ANKRD31: variants seen among roughly 807,000 people sequenced by gnomAD.
ANKRD31 encodes ankyrin repeat domain 31.
Under a neutral mutation model 186.0 loss-of-function variants are expected in ANKRD31, and 147 were observed. The observed-to-expected ratio is 0.79, with a 90% CI of 0.69 to 0.91. The LOEUF (loss-of-function observed/expected upper bound fraction) is 0.91, where lower values mean the gene tolerates loss of function less well. ANKRD31 is among the 40% of genes least tolerant of loss of function. The pLI, the probability that ANKRD31 is intolerant of heterozygous loss-of-function variation, is 0.00. For synonymous variants in ANKRD31, 673 were observed against 736.4 expected, an observed-to-expected ratio of 0.91 and a Z score of 1.39; for missense variants, 1,986 against 2,148.8, an observed-to-expected ratio of 0.92 and a Z score of 1.50.
At position 75,144,090 on chromosome 5, in the gene ANKRD31, T is replaced by C. The variant is rs1230170753; in HGVS notation, c.3506A>G (p.Glu1169Gly). The part of the protein sequence containing the change: ...CEEIKEKTES[E>G]IHMPTNSQEH... Reference sequence around the variant, plus strand: ...TTGGCTATTAGTAGGCATGTGAATTTCTGACTCCGTTTTTTCTTTTATCTC... The same window carrying C: ...TTGGCTATTAGTAGGCATGTGAATTCCTGACTCCGTTTTTTCTTTTATCTC... Residue 1169 changes from glutamate (E) to glycine (G), a missense_variant, in exon 15 of 26, where the codon GAA (glutamate) becomes GGA (glycine). Transcript: ENST00000506364. The C allele has an allele frequency of 1.8e-5, 7 of 397,492 alleles. No homozygotes were observed. Among genetic ancestry groups the C allele is most frequent in the Non-Finnish European group, 3.1e-5 (7 of 225,434 alleles). The allele number at this position is 397,492 out of a possible 1,614,324, so 24.6% of individuals were successfully genotyped here. A position where few individuals can be genotyped will look rare whatever the true frequency, so the allele number is the denominator to read the frequency against.
At chr5:75,203,087 T>C (rs529651764) in intron 5 of ANKRD31, among the ~76,000 whole-genome samples, 5 of 152,140 alleles carry the variant, frequency 3.3e-5, no homozygotes, top group African/African-American at 4.8e-5. Context: ...GCTGGGACTA[T>C]AGGCATGCAC....
chr5:75,112,526 G>T lies in ANKRD31; in HGVS notation c.4230C>A (p.Asn1410Lys), dbSNP rs567002583. 4.6e-6 allele frequency: 7 copies of T among 1,508,734 alleles called. No individual in the cohort carries two copies. The African/African-American group carries it at 8.3e-5, about 18-fold the overall frequency. The allele number at this position is 1,508,734 out of a possible 1,614,324, so 93.5% of individuals were successfully genotyped here. A position where few individuals can be genotyped will look rare whatever the true frequency, so the allele number is the denominator to read the frequency against. Residue 1410 changes from asparagine to lysine, a missense_variant, in exon 20 of 26, where the codon AAC becomes AAA. Coordinates refer to ENST00000506364, the MANE Select transcript of ANKRD31 (RefSeq NM_001372053.1). ...QEYLLEFEIR[N>K]PEDAEQYIEK... ...GTCTATATTTACCTGCATCTTCAGG[G>T]TTTCTTATTTCAAACTCTAATAAAT...
chr5:75,142,907 C>T (rs1230727475), intron 15 of ANKRD31, among the ~76,000 whole-genome samples: 1 of 152,088 alleles, frequency 6.6e-6, no homozygotes, highest in Non-Finnish European at 1.5e-5. Context: ...TTAAGTGCTG[C>T]TAGAGAGGTG....
In ANKRD31 at chr5:75,211,494, G is replaced by A. The variant is rs372006976; in HGVS notation, c.289-629C>T. On this transcript the variant is annotated intron_variant, in intron 3 of 25. Coordinates refer to ENST00000506364, the MANE Select transcript of ANKRD31 (RefSeq NM_001372053.1). ...TTCAAGTCCCTGCTTTCACTTCTTC[G>A]GCATATACAATCAGAAGTGAAATTG... Among the ~76,000 whole-genome samples, 46 of 152,054 alleles carry A rather than the reference G, an allele frequency of 3.0e-4. 1 individual carries two copies. In the South Asian group the frequency reaches 8.1e-3, roughly 27 times the overall value.
At chr5:75,072,662 G>A (rs575998581) in intron 25 of ANKRD31, among the ~76,000 whole-genome samples, 3 of 152,112 alleles carry the variant, frequency 2.0e-5, no homozygotes, top group Admixed American at 1.3e-4. Context: ...GAAGTAGATG[G>A]GATATTTCTG....
chr5:75,144,376 T>C (rs1751276158), intron 14 of ANKRD31, among the ~76,000 whole-genome samples: 1 of 152,130 alleles, frequency 6.6e-6, no homozygotes. Context: ...TTGAAATGAA[T>C]AGACCTAACA....
At chr5:75,199,513 G>A (rs1580541049) in intron 6 of ANKRD31, 118 bp downstream of exon 6, 8 of 593,664 alleles carry the variant, frequency 1.3e-5, no homozygotes, top group East Asian at 3.7e-5. Flanking sequence ...TTTATCTACC[G>A]AAATGGTTTA....
intron 19 of ANKRD31, among the ~76,000 whole-genome samples, chr5:75,114,940 G>A (rs953424439): frequency 4.3e-4 from 66 of 152,186 alleles, no homozygotes; most frequent in African/African-American, 7.2e-4. Flanking sequence ...AAAAGAGCCC[G>A]CATCGCCAAG....
intron 3 of ANKRD31, among the ~76,000 whole-genome samples, chr5:75,221,914 A>G (rs773397753): frequency 3.3e-5 from 5 of 152,192 alleles, no homozygotes; most frequent in South Asian, 2.1e-4. Context: ...TTGACTATCA[A>G]TAAGGCTTCC....
chr5:75,204,165 A>G (rs1261603059), intron 5 of ANKRD31, among the ~76,000 whole-genome samples: 2 of 152,228 alleles, frequency 1.3e-5, no homozygotes, highest in Non-Finnish European at 2.9e-5. Flanking sequence ...ATTTTTTACC[A>G]TTTCAAATAT....
intron 3 of ANKRD31, among the ~76,000 whole-genome samples, chr5:75,213,648 G>A (rs374426336): frequency 6.6e-6 from 1 of 152,064 alleles, no homozygotes; most frequent in Non-Finnish European, 1.5e-5. Context: ...ACCTTCCCCT[G>A]TCTTTACCCC....
At chr5:75,199,808 C>T in intron 5 of ANKRD31, 134 bp from the exon 6 acceptor site, 1 of 334,116 alleles carries the variant, frequency 3.0e-6, no homozygotes, top group Non-Finnish European at 5.0e-6. Context: ...ATTAATATTA[C>T]ATAAATTTAT....
intron 17 of ANKRD31, among the ~76,000 whole-genome samples, chr5:75,127,370 C>T (rs895445435): frequency 2.0e-5 from 3 of 152,024 alleles, no homozygotes; most frequent in Admixed American, 2.0e-4. Context: ...GATATGGGTG[C>T]TTCTGGCATC....
intron 2 of ANKRD31, 133 bp from the exon 3 acceptor site, chr5:75,222,491 C>A: frequency 4.7e-6 from 3 of 636,280 alleles, no homozygotes; most frequent in South Asian, 2.2e-5. Context: ...TTCATTTCTT[C>A]TAAAAAAAAA....
At chr5:75,175,069 G>T (rs1473383972) in intron 10 of ANKRD31, among the ~76,000 whole-genome samples, 2 of 152,204 alleles carry the variant, frequency 1.3e-5, no homozygotes, top group African/African-American at 2.4e-5. Flanking sequence ...ATGAGTTCAT[G>T]TCCTTTGCAG....
intron 13 of ANKRD31, among the ~76,000 whole-genome samples, chr5:75,148,350 G>A (rs1751619404): frequency 6.6e-6 from 1 of 151,810 alleles, no homozygotes; most frequent in African/African-American, 2.4e-5. Context: ...GCTCCATAAA[G>A]AGGAGGAGGA....
At position 75,169,074 on chromosome 5, in the gene ANKRD31, C is replaced by T. The variant is rs751406829; in HGVS notation, c.1612G>A (p.Ala538Thr). 15 of 1,536,882 alleles carry T rather than the reference C, an allele frequency of 9.8e-6. 1 individual carries two copies. The South Asian group carries it at 1.3e-4, about 13-fold the overall frequency. Residue 538 changes from alanine to threonine, a missense_variant, in exon 11 of 26, where the codon GCA becomes ACA. Ala to Thr is a moderately conservative substitution (Grantham distance 58, BLOSUM62 0). Coordinates refer to ENST00000506364, the MANE Select transcript of ANKRD31 (RefSeq NM_001372053.1). ...EASVGGFYRT[A>T]SELLKGGADV... is the part of the protein sequence containing the mutation. ...GCTCCACCTTTTAATAGTTCACTTG[C>T]TGTCCGATAAAATCCTCCTACACTA...
chr5:75,084,289 T>C lies in ANKRD31; in HGVS notation c.5558A>G (p.Tyr1853Cys). 3 of 1,536,674 alleles carry C rather than the reference T, an allele frequency of 2.0e-6. No homozygotes were observed. The highest frequency in any genetic ancestry group is 1.2e-5 in the South Asian group (1 of 84,046). The change falls in exon 24 of 26, where the codon TAT (tyrosine) becomes TGT (cysteine). Residue 1853 changes from tyrosine to cysteine, a missense_variant. Physicochemically the swap from Tyr to Cys is radical, Grantham distance 194. Coordinates refer to ENST00000506364, the MANE Select transcript of ANKRD31 (RefSeq NM_001372053.1). Reference sequence around the variant, plus strand: ...GTACATACCTGGAAGACAAGGTTGATATTGCTGAGGTACTGAGTTTGGTTC... The same window carrying C: ...GTACATACCTGGAAGACAAGGTTGACATTGCTGAGGTACTGAGTTTGGTTC... ...LPEPNSVPQQ[Y>C]QPCLPEVACL...
chr5:75,231,595 G>C lies in ANKRD31; in HGVS notation c.105-960C>G, dbSNP rs570071343. On this transcript the variant is annotated intron_variant, in intron 1 of 25. Transcript: ENST00000506364. The stretch of plus-strand genomic sequence containing the variant: ...TGAGCAGAAAATGGACAAAAGACTT[G>C]AATAGACATTTCTGCAAAAACGAAA... Among the ~76,000 whole-genome samples the C allele has an allele frequency of 5.1e-4, 77 of 152,152 alleles. 1 individual carries two copies. In the South Asian group the frequency reaches 0.015, roughly 30 times the overall value.
Sources: allele counts gnomAD v4.1 joint callset (sites outside exome capture counted in the v4.1 genomes callset), GRCh38; gene constraint gnomAD v4.1.1; transcripts MANE v1.5; gene names NCBI Gene and HGNC (gene_info 2026-07-23, HGNC 2026-07-21).